OSBPL8: variants seen among roughly 807,000 people sequenced by gnomAD.
OSBPL8 encodes oxysterol-binding protein-related protein 8.
Under a neutral mutation model 125.5 loss-of-function variants are expected in OSBPL8, and 59 were observed. The ratio of observed to expected loss-of-function variants is 0.47; its 90% CI spans 0.38 to 0.58. The LOEUF (loss-of-function observed/expected upper bound fraction) is 0.58, where lower values mean the gene tolerates loss of function less well. Among genes scored for constraint, OSBPL8 ranks in the 20% least tolerant of loss-of-function variants. The pLI is 0.00. For missense variants in OSBPL8, 758 were observed against 1,047.8 expected (o/e 0.72, Z 3.82); for synonymous variants, 330 against 338.9 (o/e 0.97, Z 0.29).
chr12:76,401,738 C>T (rs913391667), intron 6 of OSBPL8, among the ~76,000 whole-genome samples: 13 of 152,078 alleles, frequency 8.5e-5, no homozygotes, highest in African/African-American at 3.1e-4. Context: ...CAACTGTTTG[C>T]AATTGGAAGT....
intron 1 of OSBPL8, among the ~76,000 whole-genome samples, chr12:76,509,402 A>G (rs748960936): frequency 6.6e-6 from 1 of 152,214 alleles, no homozygotes; most frequent in African/African-American, 2.4e-5. Flanking sequence ...AAGAAAATCT[A>G]ATATAATGAG....
chr12:76,455,334 T>C (rs1455991720), intron 3 of OSBPL8, among the ~76,000 whole-genome samples: 2 of 152,168 alleles, frequency 1.3e-5, no homozygotes, highest in Non-Finnish European at 2.9e-5. Flanking sequence ...ATTGTATAAT[T>C]ATGCTCTCAT....
chr12:76,539,909 A>G (rs1355509594), intron 1 of OSBPL8, among the ~76,000 whole-genome samples: 1 of 152,208 alleles, frequency 6.6e-6, no homozygotes, highest in Non-Finnish European at 1.5e-5. Flanking sequence ...CCCCTAAAAA[A>G]GTAGTCTGGA....
chr12:76,499,517 T>C (rs1001624549), intron 1 of OSBPL8, among the ~76,000 whole-genome samples: 6 of 152,022 alleles, frequency 3.9e-5, no homozygotes, highest in Admixed American at 3.3e-4. Flanking sequence ...ATTACAGGCA[T>C]GAACCAAAGT....
At chr12:76,515,255 T>C (rs1032341282) in intron 1 of OSBPL8, among the ~76,000 whole-genome samples, 4 of 152,208 alleles carry the variant, frequency 2.6e-5, no homozygotes, top group Admixed American at 6.5e-5. Context: ...GGAGTTCTTG[T>C]ATTGGTTCTT....
chr12:76,434,723 C>T (rs964480337), intron 4 of OSBPL8, among the ~76,000 whole-genome samples: 1 of 151,962 alleles, frequency 6.6e-6, no homozygotes, highest in African/African-American at 2.4e-5. Context: ...AGGCATTTCT[C>T]AAAAGAAGAT....
At chr12:76,371,252 G>T in intron 19 of OSBPL8, 196 bp downstream of exon 19, 1 of 477,180 alleles carries the variant, frequency 2.1e-6, no homozygotes, top group South Asian at 8.5e-5. Context: ...GTAGTTTTGA[G>T]CTACAGAAAA....
chr12:76,469,184 T>C (rs1415895850), intron 2 of OSBPL8, among the ~76,000 whole-genome samples: 2 of 152,286 alleles, frequency 1.3e-5, no homozygotes, highest in East Asian at 1.9e-4. Context: ...TGTGATTCCA[T>C]TGACTTGATT....
Position 76,516,827 on chromosome 12 carries a change from T to C in OSBPL8, c.-67-29209A>G, listed in dbSNP as rs1881587213. ...CTTTTCTTTTCTTTTCTTTTTTTTT[T>C]TTTTTGAGATGGAGACTAGCTCTGT... On this transcript the variant is annotated intron_variant, in intron 1 of 23. Coordinates refer to ENST00000261183, the MANE Select transcript of OSBPL8 (RefSeq NM_020841.5). 2.0e-5 allele frequency among the ~76,000 whole-genome samples: 3 copies of C among 151,074 alleles called. No homozygotes were observed. The South Asian group carries it at 6.3e-4, about 32-fold the overall frequency.
At position 76,354,369 on chromosome 12, in the gene OSBPL8, A is replaced by T. The variant is rs1197085872; in HGVS notation, c.*1520T>A. ...AGCTATATTGGTTAGGGAAAAAAGC[A>T]GGCTCTTTTTATCATTTTGATTCTC... On this transcript the variant is annotated 3_prime_UTR_variant, in exon 24 of 24. Coordinates refer to ENST00000261183, the MANE Select transcript of OSBPL8 (RefSeq NM_020841.5). 1 of 151,926 alleles carries T rather than the reference A, an allele frequency of 6.6e-6. No individual in the cohort carries two copies. Among genetic ancestry groups the T allele is most frequent in the Admixed American group, 6.6e-5 (1 of 15,244 alleles). 9.4% of individuals were successfully genotyped at this position (151,926 alleles called of 1,614,324 possible). A position where few individuals can be genotyped will look rare whatever the true frequency, so the allele number is the denominator to read the frequency against.
chr12:76,543,598 G>T (rs1950703739), intron 1 of OSBPL8, among the ~76,000 whole-genome samples: 1 of 151,998 alleles, frequency 6.6e-6, no homozygotes, highest in African/African-American at 2.4e-5. Context: ...ATATCCAAAA[G>T]CCATTCAGTC....
intron 2 of OSBPL8, among the ~76,000 whole-genome samples, chr12:76,462,448 A>C (rs1565916731): frequency 6.6e-6 from 1 of 152,180 alleles, no homozygotes; most frequent in Non-Finnish European, 1.5e-5. Context: ...AATAATCAAA[A>C]CAAACATCAT....
At chr12:76,499,008 T>C (rs148854681) in intron 1 of OSBPL8, among the ~76,000 whole-genome samples, 1 of 152,274 alleles carries the variant, frequency 6.6e-6, no homozygotes, top group Non-Finnish European at 1.5e-5. Flanking sequence ...TGTGAGGGTG[T>C]TGCCAAAGGA....
intron 1 of OSBPL8, among the ~76,000 whole-genome samples, chr12:76,497,682 G>A (rs1879421934): frequency 6.6e-6 from 1 of 152,034 alleles, no homozygotes; most frequent in Admixed American, 6.6e-5. Context: ...CTGAGTTTTG[G>A]TGCCCTTAAA....
chr12:76,437,737 G>A (rs1321383581), intron 4 of OSBPL8, among the ~76,000 whole-genome samples: 1 of 152,116 alleles, frequency 6.6e-6, no homozygotes. Context: ...TAAAATCAAT[G>A]AGAAGTGATG....
intron 15 of OSBPL8, among the ~76,000 whole-genome samples, chr12:76,381,642 A>G (rs562688042): frequency 5.3e-5 from 8 of 151,934 alleles, no homozygotes; most frequent in African/African-American, 1.9e-4. Flanking sequence ...TTTGTTTTGA[A>G]ATCTATTTTA....
At chr12:76,551,009 C>T (rs925651742) in intron 1 of OSBPL8, among the ~76,000 whole-genome samples, 2 of 152,044 alleles carry the variant, frequency 1.3e-5, no homozygotes, top group African/African-American at 4.8e-5. Context: ...AGGAATTCTG[C>T]ACTCCAGCCT....
At position 76,449,944 on chromosome 12, in the gene OSBPL8, T is replaced by G. The variant is rs1283452653; in HGVS notation, c.217+907A>C. Among the ~76,000 whole-genome samples, 6 of 152,018 alleles carry G rather than the reference T, an allele frequency of 3.9e-5. No homozygotes were observed. The South Asian group carries it at 6.2e-4, about 16-fold the overall frequency. ...AGTTTTGGCATATTATCAAAGAATA[T>G]CTATAATTATGTATAAACCCCCCCC... is the stretch of plus-strand genomic sequence containing the variant. On this transcript the variant is annotated intron_variant, in intron 4 of 23. Coordinates refer to ENST00000261183, the MANE Select transcript of OSBPL8 (RefSeq NM_020841.5).
rs1952784398 is a variant in OSBPL8 at position 76,375,505 on chromosome 12, A to G, written c.1730-135T>C. On this transcript the variant is annotated intron_variant, in intron 16 of 23. Transcript: ENST00000261183. ...CTCTGTCCCACTCAAATGAAAAACT[A>G]TAATATAGACATACAGTTGGTTCTG... 1.2e-5 allele frequency: 7 copies of G among 592,398 alleles called. No homozygotes were observed. In the East Asian group the frequency reaches 1.4e-4, roughly 12 times the overall value. 36.7% of individuals were successfully genotyped at this position (592,398 alleles called of 1,614,324 possible). A position where few individuals can be genotyped will look rare whatever the true frequency, so the allele number is the denominator to read the frequency against.
Sources: gnomAD v4.1 joint callset for allele counts (sites outside exome capture counted in the v4.1 genomes callset) on GRCh38, gnomAD v4.1.1 for gene constraint, MANE v1.5 for transcripts, NCBI Gene and HGNC (gene_info 2026-07-23, HGNC 2026-07-21) for gene names.